The following TNRC6A variants were observed in gnomAD, a reference collection of about 807,000 sequenced individuals.
The protein encoded by TNRC6A is trinucleotide repeat containing adaptor 6A, also known as trinucleotide repeat-containing gene 6A protein.
Under a neutral mutation model 221.2 loss-of-function variants are expected in TNRC6A, and 44 were observed. The observed-to-expected ratio is 0.20, with a 90% CI of 0.16 to 0.26. The LOEUF is 0.26. Ranked by LOEUF, TNRC6A falls within the 10% of genes least tolerant of loss-of-function variation. The probability of loss-of-function intolerance (pLI) is 1.00; values close to 1 mark genes in which losing one functional copy is unlikely to be tolerated. For missense variants in TNRC6A, 2,199 were observed against 2,404.4 expected, an observed-to-expected ratio of 0.91 and a Z score of 1.79; for synonymous variants, 847 against 838.5, an observed-to-expected ratio of 1.01 and a Z score of -0.18.
intron 2 of TNRC6A, among the ~76,000 whole-genome samples, chr16:24,657,538 C>T (rs1308587970): frequency 6.6e-6 from 1 of 151,764 alleles, no homozygotes; most frequent in Non-Finnish European, 1.5e-5. Context: ...GGTGAAACCC[C>T]GTTTCCATTA....
chr16:24,727,398 T>C (rs563205039), upstream of TNRC6A, among the ~76,000 whole-genome samples: 190 of 152,272 alleles, frequency 1.2e-3, 1 homozygote, highest in Non-Finnish European at 2.0e-3. Context: ...CTTGGTGCTA[T>C]TGGCATTTTG....
chr16:24,620,040 G>A (rs35938209), intron 1 of TNRC6A, among the ~76,000 whole-genome samples: 1 of 151,972 alleles, frequency 6.6e-6, no homozygotes, highest in Admixed American at 6.6e-5. Context: ...TTCTTGGGAG[G>A]TTGAGGTGGG....
At position 24,805,662 on chromosome 16, in the gene TNRC6A, G is replaced by A; in HGVS notation, c.4180G>A (p.Gly1394Ser). ...PNNGGLNPLFGPQQVAMLNQL... is the reference protein window; with the variant it reads ...PNNGGLNPLFSPQQVAMLNQL... ...CAACGGTGGCCTGAATCCACTCTTTGGCCCTCAACAGGTAGCCATGCTGAA... is the reference window on the plus strand; with the variant it reads ...CAACGGTGGCCTGAATCCACTCTTTAGCCCTCAACAGGTAGCCATGCTGAA... Residue 1394 changes from glycine (G) to serine (S), a missense_variant, in exon 15 of 25, where the codon GGC becomes AGC. This residue lies in a region of TNRC6A where 449 missense variants were observed against 579.7 expected (regional missense o/e 0.77). Transcript: ENST00000395799. The A allele has an allele frequency of 6.2e-7, 1 of 1,614,158 alleles. No individual in the cohort carries two copies. Among genetic ancestry groups the A allele is most frequent in the Non-Finnish European group, 8.5e-7 (1 of 1,180,016 alleles).
At chr16:24,796,828 T>C (rs1194035020) in intron 9 of TNRC6A, among the ~76,000 whole-genome samples, 1 of 152,156 alleles carries the variant, frequency 6.6e-6, no homozygotes, top group Non-Finnish European at 1.5e-5. Flanking sequence ...CCAGCCTCCT[T>C]GTCTACCAGA....
intron 1 of TNRC6A, among the ~76,000 whole-genome samples, chr16:24,630,855 C>A (rs1901294716): frequency 6.6e-6 from 1 of 152,180 alleles, no homozygotes; most frequent in African/African-American, 2.4e-5. Flanking sequence ...AGCCAGTTCC[C>A]AGTGCCTGGG....
chr16:24,752,782 GGCAA>G (rs1408419545), intron 3 of TNRC6A, among the ~76,000 whole-genome samples: 3 of 152,296 alleles, frequency 2.0e-5, no homozygotes, highest in Non-Finnish European at 4.4e-5. Context: ...TCAGTAGTTT[GGCAA>G]GCATCTGAGT....
Position 24,790,980 on chromosome 16 carries a change from G to T in TNRC6A, c.2338G>T (p.Val780Leu). 6.2e-7 allele frequency: 1 copy of T among 1,604,678 alleles called. No individual in the cohort carries two copies. The highest frequency in any genetic ancestry group is 1.1e-5 in the South Asian group (1 of 89,008). ...TSPNGNDTSS[V>L]SGWGDPKPAL... is the part of the protein sequence containing the mutation. ...CCCTAATGGTAATGATACCTCATCT[G>T]TATCAGGGTGGGGCGATCCCAAACC... The change falls in exon 6 of 25, where the codon GTA becomes TTA. Residue 780 changes from valine to leucine, a missense_variant. Around this residue, in one of 8 missense-constraint regions of TNRC6A, gnomAD observed 1,405 missense variants for 1,400.2 expected, o/e 1.00. Transcript: ENST00000395799.
intron 11 of TNRC6A, among the ~76,000 whole-genome samples, chr16:24,802,971 G>C (rs1207487476): frequency 6.6e-6 from 1 of 152,146 alleles, no homozygotes; most frequent in Non-Finnish European, 1.5e-5. Context: ...CAGGAGAGAA[G>C]ATCATTTTTT....
At chr16:24,677,811 G>A (rs1007602261) in intron 2 of TNRC6A, among the ~76,000 whole-genome samples, 4 of 152,190 alleles carry the variant, frequency 2.6e-5, no homozygotes, top group African/African-American at 7.2e-5. Context: ...ATGAATAATC[G>A]TCTATCACCT....
chr16:24,741,683 A>G (rs1174818038), intron 2 of TNRC6A, among the ~76,000 whole-genome samples: 1 of 152,152 alleles, frequency 6.6e-6, no homozygotes, highest in African/African-American at 2.4e-5. Context: ...TCTGCATTGT[A>G]CAATAATAAT....
intron 2 of TNRC6A, among the ~76,000 whole-genome samples, chr16:24,678,994 ATTTTTTTTT>A (rs10556464): frequency 2.9e-5 from 4 of 135,938 alleles, no homozygotes; most frequent in Middle Eastern, 3.8e-3. Flanking sequence ...AAAACATTGA[ATTTTTTTTT>A]TTTTTTTTTT....
chr16:24,621,345 CTTTTTTT>C (rs1265818474), intron 1 of TNRC6A, among the ~76,000 whole-genome samples: 1 of 73,946 alleles, frequency 1.4e-5, no homozygotes, highest in African/African-American at 6.2e-5. Context: ...AGAATATGGT[CTTTTTTT>C]TTTTTTTTTT....
In TNRC6A at chr16:24,809,366, G is replaced by C; in HGVS notation, c.4557G>C (p.Leu1519Phe). The C allele has an allele frequency of 6.5e-7, 1 of 1,533,098 alleles. No individual in the cohort carries two copies. The allele number at this position is 1,533,098 out of a possible 1,614,324, so 95.0% of individuals were successfully genotyped here. ...SNFPIGLNSN[L>F]NVNMDMNSIK... ...ATTTTTCAGGCTTGAACTCAAACTT[G>C]AATGTAAATATGGATATGAACAGTA... is the stretch of plus-strand genomic sequence containing the variant. Residue 1519 changes from leucine (L) to phenylalanine (F), a missense_variant, in exon 18 of 25, where the codon TTG becomes TTC. Around this residue, in one of 8 missense-constraint regions of TNRC6A, gnomAD observed 449 missense variants for 579.7 expected, o/e 0.77. Coordinates refer to ENST00000395799, the MANE Select transcript of TNRC6A (RefSeq NM_014494.4).
At chr16:24,719,614 A>G (rs2056374921) in intron 2 of TNRC6A, among the ~76,000 whole-genome samples, 1 of 150,328 alleles carries the variant, frequency 6.7e-6, no homozygotes, top group African/African-American at 2.5e-5. Flanking sequence ...AGCTGCAGTC[A>G]TGCCACTGTA....
intron 2 of TNRC6A, among the ~76,000 whole-genome samples, chr16:24,695,899 T>C (rs554064418): frequency 1.3e-5 from 2 of 152,256 alleles, no homozygotes; most frequent in East Asian, 3.9e-4. Flanking sequence ...TCAACCTCAG[T>C]TCTAGACTCA....
At chr16:24,712,549 A>G (rs62027753) in intron 2 of TNRC6A, among the ~76,000 whole-genome samples, 1,488 of 148,180 alleles carry the variant, frequency 0.01, 8 homozygotes, top group Non-Finnish European at 0.014. Flanking sequence ...CTCTTTAATG[A>G]CATTTAGATA....
At chr16:24,812,877 CTTT>C (rs71383720) in intron 18 of TNRC6A, among the ~76,000 whole-genome samples, 4 of 74,984 alleles carry the variant, frequency 5.3e-5, no homozygotes, top group Admixed American at 1.9e-4. Context: ...ACCTCTTGGG[CTTT>C]TTTTTTTTTT....
intron 4 of TNRC6A, among the ~76,000 whole-genome samples, chr16:24,767,095 A>G (rs1026491222): frequency 6.6e-6 from 1 of 152,198 alleles, no homozygotes; most frequent in Non-Finnish European, 1.5e-5. Flanking sequence ...TTAACATTTC[A>G]TCAGATGTAT....
chr16:24,626,774 T>C (rs938615981), intron 1 of TNRC6A, among the ~76,000 whole-genome samples: 11 of 150,870 alleles, frequency 7.3e-5, no homozygotes, highest in Non-Finnish European at 1.3e-4. Context: ...CTCAGCCTCC[T>C]GAGTAGCTGG....
Sources: gnomAD v4.1 joint callset for allele counts (sites outside exome capture counted in the v4.1 genomes callset) on GRCh38, gnomAD v4.1.1 for gene constraint, gnomAD v4.1.1 regional missense constraint, MANE v1.5 for transcripts, NCBI Gene and HGNC (gene_info 2026-07-23, HGNC 2026-07-21) for gene names.